Variants in PLK4 observed in about 807,000 individuals in gnomAD.
PLK4 encodes the protein polo like kinase 4.
A neutral mutation model predicts 103.0 loss-of-function variants in PLK4; 51 were observed. The ratio of observed to expected loss-of-function variants is 0.50; its 90% CI spans 0.40 to 0.63. The LOEUF (loss-of-function observed/expected upper bound fraction) is 0.63. Ranked by LOEUF, PLK4 falls within the 20% of genes least tolerant of loss-of-function variation. PLK4 has a pLI of 0.00. For synonymous variants in PLK4, 389 were observed against 376.8 expected (o/e 1.03, Z -0.38); for missense variants, 1,054 against 1,151.0 (o/e 0.92, Z 1.22).
At chr4:127,893,183 C>A (rs182621567) in intron 10 of PLK4, 102 bp from the exon 11 acceptor site, 36 of 606,526 alleles carry the variant, frequency 5.9e-5, no homozygotes, top group Admixed American at 2.7e-4. Context: ...AAAAATGATA[C>A]CTTGATCCAG....
At chr4:127,883,410 T>C in intron 3 of PLK4, 29 bp from the exon 4 acceptor site, 1 of 1,400,044 alleles carries the variant, frequency 7.1e-7, no homozygotes, top group African/African-American at 1.4e-5. Flanking sequence ...TTTGTATATT[T>C]TAATTTATTA....
intron 14 of PLK4, among the ~76,000 whole-genome samples, chr4:127,896,303 T>A (rs970149672): frequency 5.3e-5 from 8 of 152,140 alleles, no homozygotes; most frequent in African/African-American, 1.9e-4. Flanking sequence ...CACTTCTCCA[T>A]TTTGAGTGAC....
chr4:127,881,319 A>T, intron 1 of PLK4, 155 bp downstream of exon 1: 3 of 1,491,108 alleles, frequency 2.0e-6, no homozygotes, highest in Non-Finnish European at 2.7e-6. Context: ...CCTGCTGTTT[A>T]GGGGCGGAGC....
At position 127,883,464 on chromosome 4, in the gene PLK4, A is replaced by G. The variant is rs1735006671; in HGVS notation, c.248A>G (p.Asn83Ser). The change falls in exon 4 of 16, where the codon AAT (asparagine) becomes AGT (serine). Residue 83 changes from asparagine (N) to serine (S), a missense_variant. Asn to Ser is a conservative substitution (Grantham distance 46). Transcript: ENST00000270861. ...LELYNYFEDS[N>S]YVYLVLEMCH... ...CTTTATAACTATTTTGAAGATAGCAATTATGTGTATCTGGTATTAGAAATG... is the reference window on the plus strand; with the variant it reads ...CTTTATAACTATTTTGAAGATAGCAGTTATGTGTATCTGGTATTAGAAATG... 6.6e-7 allele frequency: 1 copy of G among 1,512,994 alleles called. No homozygotes were observed. The highest frequency in any genetic ancestry group is 9.2e-7 in the Non-Finnish European group (1 of 1,088,880). 93.7% of individuals were successfully genotyped at this position (1,512,994 alleles called of 1,614,324 possible). A position where few individuals can be genotyped will look rare whatever the true frequency, so the allele number is the denominator to read the frequency against.
chr4:127,891,589 A>C lies in PLK4; in HGVS notation c.1946A>C (p.Tyr649Ser). The C allele has an allele frequency of 6.7e-7, 1 of 1,494,062 alleles. No individual in the cohort carries two copies. Among genetic ancestry groups the C allele is most frequent in the African/African-American group, 1.4e-5 (1 of 72,018 alleles). 92.6% of individuals were successfully genotyped at this position (1,494,062 alleles called of 1,614,324 possible). A position where few individuals can be genotyped will look rare whatever the true frequency, so the allele number is the denominator to read the frequency against. Reference sequence around the variant, plus strand: ...AAAATCTTTTGGCAGATCACTATTTATTATCCAAATGGTGGTAGAGGTTTT... The same window carrying C: ...AAAATCTTTTGGCAGATCACTATTTCTTATCCAAATGGTGGTAGAGGTTTT... ...ISSDGNTITI[Y>S]YPNGGRGFPL... Residue 649 changes from tyrosine to serine, a missense_variant, in exon 9 of 16, where the codon TAT (tyrosine) becomes TCT (serine). By Grantham distance (144) the Tyr-to-Ser change is moderately radical. Coordinates refer to ENST00000270861, the MANE Select transcript of PLK4 (RefSeq NM_014264.5).
At chr4:127,888,610 A>G (rs1023961936) in intron 6 of PLK4, among the ~76,000 whole-genome samples, 8 of 152,224 alleles carry the variant, frequency 5.3e-5, no homozygotes, top group African/African-American at 1.9e-4. Context: ...CAGAGCTACT[A>G]AAACCTAAAT....
rs1474626968 is a variant in PLK4, at chr4:127,889,937, CAGA to C, written c.1534_1536del (p.Lys512del). The C allele has an allele frequency of 1.9e-6, 3 of 1,613,844 alleles. No homozygotes were observed. The highest frequency in any genetic ancestry group is 1.1e-5 in the South Asian group (1 of 91,066). ...GGACTTCCAGGGCCATCCAGATTTG[CAGA>C]AGGACACATCAAAAAATGCCTGGAC... is the stretch of plus-strand genomic sequence containing the variant. On this transcript the variant is annotated inframe_deletion, in exon 7 of 16. Coordinates refer to ENST00000270861, the MANE Select transcript of PLK4 (RefSeq NM_014264.5).
Position 127,881,830 on chromosome 4 carries a change from G to A in PLK4, c.31-1G>A, listed in dbSNP as rs1271445525. On this transcript the variant is annotated splice_acceptor_variant, in intron 1 of 15. Coordinates refer to ENST00000270861, the MANE Select transcript of PLK4 (RefSeq NM_014264.5). LOFTEE classifies it high-confidence loss of function. The stretch of plus-strand genomic sequence containing the variant: ...CATAATCTTTAATTTTAACTTTTAA[G>A]GATTTTAAAGTTGGAAATCTGCTTG... The A allele has an allele frequency of 6.4e-7, 1 of 1,557,066 alleles. No homozygotes were observed.
Position 127,891,545 on chromosome 4 carries a change from A to G in PLK4, c.1936-34A>G, listed in dbSNP as rs191673728. ...AGATATAGTACTGGAACTTAATGGC[A>G]TGTAATTAGAATTTTAAAAAAATCT... On this transcript the variant is annotated intron_variant, in intron 8 of 15. Transcript: ENST00000270861. 7.3e-5 allele frequency: 65 copies of G among 887,166 alleles called. No homozygotes were observed. In the East Asian group the frequency reaches 1.5e-3, roughly 20 times the overall value. The allele number at this position is 887,166 out of a possible 1,614,324, so 55.0% of individuals were successfully genotyped here.
intron 14 of PLK4, among the ~76,000 whole-genome samples, chr4:127,895,485 C>G (rs1414693940): frequency 1.3e-5 from 1 of 74,940 alleles, no homozygotes; most frequent in African/African-American, 6.6e-5. Flanking sequence ...TTTTTTGAGA[C>G]AAAGTCTCAC....
chr4:127,887,959 A>G (rs1362313229), intron 6 of PLK4, among the ~76,000 whole-genome samples: 3 of 150,856 alleles, frequency 2.0e-5, no homozygotes, highest in Non-Finnish European at 4.4e-5. Context: ...CCAGGCAGGT[A>G]ACTTGAGGTC....
chr4:127,881,180 A>G lies in PLK4; in HGVS notation c.30+16A>G. 6.2e-7 allele frequency: 1 copy of G among 1,613,770 alleles called. No individual in the cohort carries two copies. The highest frequency in any genetic ancestry group is 8.5e-7 in the Non-Finnish European group (1 of 1,179,920). The stretch of plus-strand genomic sequence containing the variant: ...GAAGATCGAGGTGAAAAGACTCGGC[A>G]GTCTGCAGCGGGGCGGGTGGGAGTA... On this transcript the variant is annotated intron_variant, in intron 1 of 15. Transcript: ENST00000270861.
chr4:127,882,600 A>G (rs1052727485), intron 2 of PLK4, among the ~76,000 whole-genome samples: 2 of 152,112 alleles, frequency 1.3e-5, no homozygotes, highest in Non-Finnish European at 1.5e-5. Context: ...TCTCTACTAA[A>G]AATACCAAAT....
Position 127,895,110 on chromosome 4 carries a change from A to G in PLK4, c.2703+17A>G, listed in dbSNP as rs1340139731. ...GCTACACAGGTGAGAAGTTTCTAGT[A>G]CAGTGCATTTTCTCAGTATGAATTT... On this transcript the variant is annotated intron_variant, in intron 14 of 15. Coordinates refer to ENST00000270861, the MANE Select transcript of PLK4 (RefSeq NM_014264.5). 2 of 1,540,740 alleles carry G rather than the reference A, an allele frequency of 1.3e-6. No homozygotes were observed. The highest frequency in any genetic ancestry group is 1.2e-5 in the South Asian group (1 of 80,154).
chr4:127,892,133 A>G (rs1735384020), intron 9 of PLK4: 1 of 337,286 alleles, frequency 3.0e-6, no homozygotes, highest in Non-Finnish European at 5.3e-6. Flanking sequence ...CAGTGCTGCT[A>G]CATAAATGAT....
In PLK4 at chr4:127,886,281, G is replaced by T; in HGVS notation, c.911G>T (p.Gly304Val). The change falls in exon 5 of 16, where the codon GGT becomes GTT. Residue 304 changes from glycine (G) to valine (V), a missense_variant. Coordinates refer to ENST00000270861, the MANE Select transcript of PLK4 (RefSeq NM_014264.5). ...ITASSSTSISGSLFDKRRLLI... is the reference protein window; with the variant it reads ...ITASSSTSISVSLFDKRRLLI... ...GCTTCTTCCAGTACCAGTATAAGTG[G>T]TAGTTTATTTGACAAAAGAAGACTT... The T allele has an allele frequency of 6.2e-7, 1 of 1,613,856 alleles. No individual in the cohort carries two copies. Among genetic ancestry groups the T allele is most frequent in the Non-Finnish European group, 8.5e-7 (1 of 1,179,812 alleles).
In PLK4 at chr4:127,893,602, A is replaced by G; in HGVS notation, c.2412A>G (p.Gly804=). 2 of 1,604,716 alleles carry G rather than the reference A, an allele frequency of 1.2e-6. No individual in the cohort carries two copies. The highest frequency in any genetic ancestry group is 1.7e-6 in the Non-Finnish European group (2 of 1,174,904). Residue 804 remains glycine, a splice_region_variant and synonymous_variant, in exon 12 of 16, where the codon GGA becomes GGG. Transcript: ENST00000270861. ...RSAPFFPIII[G]RKPGSTSSPK... Reference sequence around the variant, plus strand: ...CTCCCTTTTTCCCAATAATCATAGGAAGGTAAATGTCTGAAAATTTTAAAC... The same window carrying G: ...CTCCCTTTTTCCCAATAATCATAGGGAGGTAAATGTCTGAAAATTTTAAAC...
At position 127,892,426 on chromosome 4, in the gene PLK4, T is replaced by C; in HGVS notation, c.2100T>C (p.Ser700=). 6.3e-7 allele frequency: 1 copy of C among 1,586,446 alleles called. No homozygotes were observed. The highest frequency in any genetic ancestry group is 8.6e-7 in the Non-Finnish European group (1 of 1,169,068). ...SRFVQLVRSK[S]PKITYFTRYA... The stretch of plus-strand genomic sequence containing the variant: ...TTGTACAGCTTGTAAGATCTAAATC[T>C]CCCAAAATCACTTATTTTACAAGAT... Residue 700 remains serine (S), a synonymous_variant, in exon 10 of 16, where the codon TCT becomes TCC. Coordinates refer to ENST00000270861, the MANE Select transcript of PLK4 (RefSeq NM_014264.5).
In PLK4 at chr4:127,880,913, G is replaced by A. The variant is rs766323157; in HGVS notation, c.-222G>A. 22 of 581,504 alleles carry A rather than the reference G, an allele frequency of 3.8e-5. No individual in the cohort carries two copies. Among genetic ancestry groups the A allele is most frequent in the Middle Eastern group, 4.6e-4 (1 of 2,194 alleles). 36.0% of individuals were successfully genotyped at this position (581,504 alleles called of 1,614,324 possible). A position where few individuals can be genotyped will look rare whatever the true frequency, so the allele number is the denominator to read the frequency against. On this transcript the variant is annotated 5_prime_UTR_variant, in exon 1 of 16. Transcript: ENST00000270861. ...ACGTCACCACCAGCCTAGCTCGGAC[G>A]GCAAGCGGCGGGAGATTTTCAAAAT...
Sources: allele counts gnomAD v4.1 joint callset (sites outside exome capture counted in the v4.1 genomes callset), GRCh38; gene constraint gnomAD v4.1.1; transcripts MANE v1.5; gene names NCBI Gene and HGNC (gene_info 2026-07-23, HGNC 2026-07-21).